Variants in FSHR observed in about 807,000 individuals in gnomAD.
The protein encoded by FSHR is follicle stimulating hormone receptor.
Under a neutral mutation model 52.1 loss-of-function variants are expected in FSHR, and 46 were observed. That is an observed-to-expected ratio of 0.88 (90% CI 0.70 to 1.13). The LOEUF is 1.13. FSHR is among the 50% of genes most tolerant of loss of function. The probability of loss-of-function intolerance (pLI) is 0.00; values close to 1 mark genes in which losing one functional copy is unlikely to be tolerated. For missense variants in FSHR, 964 were observed against 834.6 expected (o/e 1.16, Z -1.91); for synonymous variants, 399 against 309.6 (o/e 1.29, Z -3.03).
chr2:49,079,414 A>G (rs1670078707), intron 1 of FSHR, among the ~76,000 whole-genome samples: 1 of 152,164 alleles, frequency 6.6e-6, no homozygotes, highest in Non-Finnish European at 1.5e-5. Context: ...GTTATATGGA[A>G]GAGCAAGTTT....
chr2:49,064,629 A>C (rs1244554015), intron 2 of FSHR, among the ~76,000 whole-genome samples: 1 of 152,140 alleles, frequency 6.6e-6, no homozygotes, highest in African/African-American at 2.4e-5. Context: ...CTAAGATACC[A>C]GGGAAAGATT....
intron 8 of FSHR, among the ~76,000 whole-genome samples, chr2:48,978,825 G>A (rs143416334): frequency 1.2e-4 from 18 of 152,312 alleles, no homozygotes; most frequent in African/African-American, 4.1e-4. Context: ...CAGGTGTTCA[G>A]AGGCTCCCTA....
intron 2 of FSHR, among the ~76,000 whole-genome samples, chr2:49,026,696 G>T (rs1421049632): frequency 8.5e-5 from 13 of 152,178 alleles, no homozygotes; most frequent in Admixed American, 8.5e-4. Context: ...AGGACAGTGT[G>T]GGAAGGATGC....
In FSHR at chr2:49,068,301, A is replaced by T. The variant is rs1553340669; in HGVS notation, c.153-11T>A. On this transcript the variant is annotated splice_polypyrimidine_tract_variant and intron_variant, in intron 1 of 9. Transcript: ENST00000406846. ...GTGAGGACAAACCTCCTGCAAAGAG[A>T]GTAGAAATAAAATATCACAACCTAT... The T allele has an allele frequency of 6.2e-7, 1 of 1,607,536 alleles. No homozygotes were observed. The highest frequency in any genetic ancestry group is 8.5e-7 in the Non-Finnish European group (1 of 1,175,006).
chr2:49,154,489 A>C lies in FSHR; in HGVS notation c.-72T>G. The C allele has an allele frequency of 5.3e-6, 8 of 1,501,414 alleles. No homozygotes were observed. The highest frequency in any genetic ancestry group is 1.4e-5 in the African/African-American group (1 of 72,516). The allele number at this position is 1,501,414 out of a possible 1,614,324, so 93.0% of individuals were successfully genotyped here. ...AACCTCCACAGATCTCAGAAGCTCC[A>C]CACAGTGCCCTTATGAGAAGAGATC... On this transcript the variant is annotated 5_prime_UTR_variant, in exon 1 of 10. Transcript: ENST00000406846.
At chr2:49,103,707 A>G (rs1671116460) in intron 1 of FSHR, among the ~76,000 whole-genome samples, 1 of 152,138 alleles carries the variant, frequency 6.6e-6, no homozygotes, top group Admixed American at 6.6e-5. Flanking sequence ...AAGTCTCTAA[A>G]GAGTGTATCT....
chr2:49,019,964 C>G, intron 3 of FSHR, 122 bp downstream of exon 3: 1 of 888,804 alleles, frequency 1.1e-6, no homozygotes, highest in South Asian at 1.3e-5. Flanking sequence ...ATTTTGACAT[C>G]TTATAATGAC....
At chr2:48,971,536 C>A (rs1298481395) in intron 8 of FSHR, among the ~76,000 whole-genome samples, 1 of 152,164 alleles carries the variant, frequency 6.6e-6, no homozygotes. Flanking sequence ...GGAAGATTTA[C>A]ATTTTCAGAA....
At chr2:49,072,354 C>G (rs1187102260) in intron 1 of FSHR, among the ~76,000 whole-genome samples, 2 of 152,024 alleles carry the variant, frequency 1.3e-5, no homozygotes, top group Admixed American at 1.3e-4. Flanking sequence ...ACATGTCAAA[C>G]TCATTGGATA....
intron 2 of FSHR, among the ~76,000 whole-genome samples, chr2:49,038,576 G>T (rs932187116): frequency 6.7e-6 from 1 of 149,120 alleles, no homozygotes; most frequent in Non-Finnish European, 1.5e-5. Flanking sequence ...AGTGAGCCGA[G>T]ATCGCGCCAC....
chr2:49,077,879 C>G (rs1670005805), intron 1 of FSHR, among the ~76,000 whole-genome samples: 1 of 152,174 alleles, frequency 6.6e-6, no homozygotes, highest in African/African-American at 2.4e-5. Flanking sequence ...CATCTGAGAC[C>G]ACCTCAGTCT....
At chr2:49,049,406 G>T (rs1414883154) in intron 2 of FSHR, among the ~76,000 whole-genome samples, 2 of 152,132 alleles carry the variant, frequency 1.3e-5, no homozygotes, top group Admixed American at 1.3e-4. Flanking sequence ...AATGCCTTGA[G>T]TAACCTCTGT....
intron 1 of FSHR, 21 bp downstream of exon 1, chr2:49,154,245 C>A (rs1673165136): frequency 1.2e-6 from 2 of 1,611,854 alleles, no homozygotes; most frequent in African/African-American, 1.3e-5. Context: ...TGCAGTTGTT[C>A]CCCCTCCCTC....
chr2:49,046,455 A>G (rs1443380748), intron 2 of FSHR, among the ~76,000 whole-genome samples: 1 of 152,234 alleles, frequency 6.6e-6, no homozygotes, highest in Non-Finnish European at 1.5e-5. Flanking sequence ...GGCAAGTCAC[A>G]TAACCACTTT....
intron 1 of FSHR, among the ~76,000 whole-genome samples, chr2:49,150,548 T>G (rs1398670522): frequency 6.6e-6 from 1 of 152,074 alleles, no homozygotes; most frequent in African/African-American, 2.4e-5. Context: ...ATAGCATCTC[T>G]GTCAGTTAGG....
intron 4 of FSHR, among the ~76,000 whole-genome samples, chr2:49,001,347 T>C (rs540022471): frequency 2.6e-5 from 4 of 152,128 alleles, no homozygotes; most frequent in Admixed American, 6.6e-5. Context: ...AGATGGAACC[T>C]GAACCCAGGC....
At chr2:49,145,275 A>T (rs1008594594) in intron 1 of FSHR, among the ~76,000 whole-genome samples, 3 of 152,092 alleles carry the variant, frequency 2.0e-5, no homozygotes, top group South Asian at 2.1e-4. Context: ...CAATTTGTAA[A>T]CTTTTAGTCA....
At chr2:49,030,056 G>A (rs1268222836) in intron 2 of FSHR, among the ~76,000 whole-genome samples, 2 of 152,202 alleles carry the variant, frequency 1.3e-5, no homozygotes, top group East Asian at 1.9e-4. Context: ...CTATCAGGGA[G>A]TAGCAGCAGG....
At chr2:49,025,670 T>C (rs1052653987) in intron 2 of FSHR, among the ~76,000 whole-genome samples, 14 of 152,184 alleles carry the variant, frequency 9.2e-5, no homozygotes, top group Non-Finnish European at 1.5e-4. Context: ...CTGGGAGACC[T>C]TGTGACAGTC....
Sources: allele counts gnomAD v4.1 joint callset (sites outside exome capture counted in the v4.1 genomes callset), GRCh38; gene constraint gnomAD v4.1.1; transcripts MANE v1.5; gene names NCBI Gene and HGNC (gene_info 2026-07-23, HGNC 2026-07-21).